The following NRXN1 variants were observed in gnomAD, a reference collection of about 807,000 sequenced individuals.
The protein encoded by NRXN1 is neurexin-1.
A neutral mutation model predicts 150.9 loss-of-function variants in NRXN1; 39 were observed. The observed-to-expected ratio is 0.26, with a 90% CI of 0.20 to 0.34. The LOEUF is 0.34. Among genes scored for constraint, NRXN1 ranks in the 10% least tolerant of loss-of-function variants. NRXN1 has a pLI of 1.00. For synonymous variants in NRXN1, 924 were observed against 757.0 expected (o/e 1.22, Z -3.62); for missense variants, 1,815 against 1,949.9 (o/e 0.93, Z 1.30).
intron 5 of NRXN1, among the ~76,000 whole-genome samples, chr2:50,796,707 G>T (rs1300117763): frequency 6.6e-6 from 1 of 152,088 alleles, no homozygotes; most frequent in Non-Finnish European, 1.5e-5. Flanking sequence ...CAAAGTCCCG[G>T]CTCCCTCACA....
intron 5 of NRXN1, among the ~76,000 whole-genome samples, chr2:50,728,656 G>A (rs1392464399): frequency 2.6e-5 from 4 of 152,206 alleles, no homozygotes; most frequent in South Asian, 2.1e-4. Flanking sequence ...TGTCTATAAC[G>A]TTAAGAAAAT....
intron 18 of NRXN1, among the ~76,000 whole-genome samples, chr2:50,094,363 T>A (rs1288055375): frequency 1.3e-5 from 2 of 152,064 alleles, no homozygotes; most frequent in Non-Finnish European, 2.9e-5. Flanking sequence ...TAGAAGAGGA[T>A]TTTTGGAGAC....
chr2:50,277,276 A>G (rs564362744), intron 17 of NRXN1, among the ~76,000 whole-genome samples: 22 of 152,270 alleles, frequency 1.4e-4, no homozygotes, highest in African/African-American at 5.3e-4. Flanking sequence ...AAGTAAATAA[A>G]TAAATGTTAA....
chr2:50,299,017 T>A (rs891121674), intron 17 of NRXN1, among the ~76,000 whole-genome samples: 6 of 152,142 alleles, frequency 3.9e-5, no homozygotes, highest in African/African-American at 1.4e-4. Context: ...CAGGAGAAAA[T>A]GCCATCCTTT....
intron 17 of NRXN1, among the ~76,000 whole-genome samples, chr2:50,237,585 G>A (rs954239632): frequency 6.6e-6 from 1 of 151,532 alleles, no homozygotes; most frequent in African/African-American, 2.4e-5. Flanking sequence ...TCTAGTAGCT[G>A]TCAAACTATT....
intron 17 of NRXN1, among the ~76,000 whole-genome samples, chr2:50,399,296 G>A (rs2082244063): frequency 6.6e-6 from 1 of 151,994 alleles, no homozygotes; most frequent in South Asian, 2.1e-4. Flanking sequence ...ATAAGAATGG[G>A]TTACTTGCAT....
At chr2:50,539,284 T>A (rs1316476642) in intron 9 of NRXN1, among the ~76,000 whole-genome samples, 1 of 152,220 alleles carries the variant, frequency 6.6e-6, no homozygotes, top group Non-Finnish European at 1.5e-5. Context: ...AATCACTGTA[T>A]AAATGTTTGT....
intron 5 of NRXN1, among the ~76,000 whole-genome samples, chr2:50,860,885 G>C (rs189076743): frequency 6.6e-6 from 1 of 152,050 alleles, no homozygotes; most frequent in Non-Finnish European, 1.5e-5. Flanking sequence ...TACTTATAAA[G>C]ATTTTAAAAA....
chr2:50,323,454 A>G (rs1324832456), intron 17 of NRXN1, among the ~76,000 whole-genome samples: 3 of 152,142 alleles, frequency 2.0e-5, no homozygotes, highest in Non-Finnish European at 4.4e-5. Flanking sequence ...GGTGCCTAGC[A>G]TGTTCTAGGC....
chr2:50,983,383 T>C (rs1012301843), intron 2 of NRXN1, among the ~76,000 whole-genome samples: 7 of 152,024 alleles, frequency 4.6e-5, no homozygotes, highest in African/African-American at 1.7e-4. Context: ...AGAGAGAGTG[T>C]TTCATCCCTA....
intron 19 of NRXN1, among the ~76,000 whole-genome samples, chr2:50,076,956 T>G (rs1697212639): frequency 6.6e-6 from 1 of 152,158 alleles, no homozygotes; most frequent in Admixed American, 6.5e-5. Flanking sequence ...GAATTATTTT[T>G]TAGGGGAATT....
chr2:50,716,248 A>C (rs1695851466), intron 5 of NRXN1, among the ~76,000 whole-genome samples: 1 of 152,178 alleles, frequency 6.6e-6, no homozygotes, highest in South Asian at 2.1e-4. Context: ...GAATTAGCAG[A>C]AGAGAGACTG....
At chr2:50,208,763 C>A (rs190095010) in intron 18 of NRXN1, among the ~76,000 whole-genome samples, 426 of 152,170 alleles carry the variant, frequency 2.8e-3, no homozygotes, top group African/African-American at 9.4e-3. Flanking sequence ...GAAAATAACA[C>A]GAGTCCTTTA....
chr2:50,280,866 TTTTG>T (rs751103092), intron 17 of NRXN1, among the ~76,000 whole-genome samples: 31 of 152,150 alleles, frequency 2.0e-4, no homozygotes, highest in African/African-American at 4.8e-4. Context: ...GTTGTTGTTG[TTTTG>T]TTTGTTTGTT....
At chr2:50,974,466 A>G (rs758553136) in intron 2 of NRXN1, among the ~76,000 whole-genome samples, 3 of 152,186 alleles carry the variant, frequency 2.0e-5, no homozygotes, top group Non-Finnish European at 2.9e-5. Flanking sequence ...TTATCAGAAT[A>G]CAAAACACAG....
At chr2:50,327,467 G>A (rs898631153) in intron 17 of NRXN1, among the ~76,000 whole-genome samples, 5 of 152,070 alleles carry the variant, frequency 3.3e-5, no homozygotes, top group African/African-American at 1.2e-4. Context: ...ACACATGTGG[G>A]TATATATAGG....
At position 50,947,646 on chromosome 2, in the gene NRXN1, C is replaced by T. The variant is rs142214398; in HGVS notation, c.773-21691G>A. ...ATATGCTTCTTGTGATTTTTGGACC[C>T]TAGAATCCATCAATTAAAATTCAAT... is the stretch of plus-strand genomic sequence containing the variant. On this transcript the variant is annotated intron_variant, in intron 2 of 22. Transcript: ENST00000401669. 3.5e-3 allele frequency among the ~76,000 whole-genome samples: 529 copies of T among 151,940 alleles called. 2 individuals carry two copies. The highest frequency in any genetic ancestry group is 5.9e-3 in the Admixed American group (90 of 15,226).
intron 19 of NRXN1, among the ~76,000 whole-genome samples, chr2:50,068,498 T>C (rs1312040659): frequency 6.6e-6 from 1 of 152,334 alleles, no homozygotes; most frequent in Non-Finnish European, 1.5e-5. Flanking sequence ...ATGGTTAAGA[T>C]AATGAGCTCT....
At chr2:50,041,440 T>G (rs1690943238) in intron 21 of NRXN1, among the ~76,000 whole-genome samples, 1 of 152,140 alleles carries the variant, frequency 6.6e-6, no homozygotes, top group Admixed American at 6.5e-5. Context: ...CTGTCAAGAG[T>G]CACTGGTGCA....
Sources: allele counts gnomAD v4.1 joint callset (sites outside exome capture counted in the v4.1 genomes callset), GRCh38; gene constraint gnomAD v4.1.1; transcripts MANE v1.5; gene names NCBI Gene and HGNC (gene_info 2026-07-23, HGNC 2026-07-21).